ERBB4: variants seen among roughly 807,000 people sequenced by gnomAD.
ERBB4 encodes the protein receptor tyrosine-protein kinase erbB-4.
ERBB4 carries 42 observed loss-of-function variants against 158.0 expected under a neutral mutation model. The ratio of observed to expected loss-of-function variants is 0.27; its 90% CI spans 0.21 to 0.34. The LOEUF is 0.34. ERBB4 is among the 10% of genes least tolerant of loss of function. The pLI, the probability that ERBB4 is intolerant of heterozygous loss-of-function variation, is 1.00. For synonymous variants in ERBB4, 583 were observed against 558.7 expected (o/e 1.04, Z -0.61); for missense variants, 1,333 against 1,624.1 (o/e 0.82, Z 3.08).
At chr2:211,475,686 C>T (rs896293789) in intron 20 of ERBB4, among the ~76,000 whole-genome samples, 2 of 151,926 alleles carry the variant, frequency 1.3e-5, no homozygotes, top group African/African-American at 4.8e-5. Context: ...ATAATATTAC[C>T]CCTTGTCAAA....
At chr2:212,535,821 T>A (rs1693023510) in intron 1 of ERBB4, among the ~76,000 whole-genome samples, 1 of 152,162 alleles carries the variant, frequency 6.6e-6, no homozygotes, top group Non-Finnish European at 1.5e-5. Flanking sequence ...GGTTCTCTTC[T>A]GTTACAATTA....
chr2:212,124,941 C>T (rs1191574813), intron 1 of ERBB4, 38 bp from the exon 2 acceptor site: 3 of 1,609,910 alleles, frequency 1.9e-6, no homozygotes, highest in Admixed American at 3.3e-5. Flanking sequence ...ATTACATAAC[C>T]TTTATATGAT....
rs1214977580 is a variant in ERBB4, at chr2:211,817,425, GTTA to G, written c.422-29269_422-29267del. The stretch of plus-strand genomic sequence containing the variant: ...TCTTTGGTATAGTTGCAAAAATCTG[GTTA>G]TTACTCTACTCAATATCAAATAACA... On this transcript the variant is annotated intron_variant, in intron 3 of 27. Transcript: ENST00000342788. Among the ~76,000 whole-genome samples the G allele has an allele frequency of 3.9e-5, 6 of 152,172 alleles. No individual in the cohort carries two copies. In the East Asian group the frequency reaches 1.2e-3, roughly 29 times the overall value.
chr2:211,659,116 T>C (rs548365176), intron 15 of ERBB4, among the ~76,000 whole-genome samples: 7 of 152,250 alleles, frequency 4.6e-5, no homozygotes, highest in East Asian at 3.9e-4. Context: ...CTATCCATTA[T>C]ATATTTAAAT....
At chr2:211,740,403 T>C (rs972319990) in intron 5 of ERBB4, among the ~76,000 whole-genome samples, 7 of 152,064 alleles carry the variant, frequency 4.6e-5, no homozygotes, top group Non-Finnish European at 1.0e-4. Flanking sequence ...TGTTGAGTAA[T>C]ATATAAAATT....
At chr2:212,491,423 C>T (rs1431150451) in intron 1 of ERBB4, among the ~76,000 whole-genome samples, 1 of 151,526 alleles carries the variant, frequency 6.6e-6, no homozygotes, top group Non-Finnish European at 1.5e-5. Flanking sequence ...CTTACAAGTA[C>T]AGTAACATGT....
intron 4 of ERBB4, among the ~76,000 whole-genome samples, chr2:211,756,283 G>T (rs568233027): frequency 6.6e-6 from 1 of 152,184 alleles, no homozygotes; most frequent in Non-Finnish European, 1.5e-5. Context: ...CTGCAGTTTA[G>T]TTTTGCTTGA....
At chr2:211,495,361 G>C (rs1387744717) in intron 20 of ERBB4, among the ~76,000 whole-genome samples, 2 of 151,998 alleles carry the variant, frequency 1.3e-5, no homozygotes, top group Non-Finnish European at 2.9e-5. Flanking sequence ...TAATAAATGA[G>C]AACATAATAA....
chr2:211,784,897 TG>T (rs555883541), intron 4 of ERBB4, among the ~76,000 whole-genome samples: 18 of 152,292 alleles, frequency 1.2e-4, no homozygotes, highest in Non-Finnish European at 2.4e-4. Flanking sequence ...GTTGGCCCTT[TG>T]TGTACCATCT....
Position 211,543,981 on chromosome 2 carries a change from A to T in ERBB4, c.2487+17922T>A, listed in dbSNP as rs796852763. ...CATGGTAACAGGAGAATATGCATGG[A>T]GAGACTGCTGTCCTGTCCTGTAAAA... On this transcript the variant is annotated intron_variant, in intron 20 of 27. Coordinates refer to ENST00000342788, the MANE Select transcript of ERBB4 (RefSeq NM_005235.3). 5.3e-5 allele frequency among the ~76,000 whole-genome samples: 8 copies of T among 152,130 alleles called. 1 individual carries two copies. Among genetic ancestry groups the T allele is most frequent in the African/African-American group, 1.9e-4 (8 of 41,556 alleles).
At chr2:211,535,732 T>C (rs1334754301) in intron 20 of ERBB4, 1 of 152,774 alleles carries the variant, frequency 6.5e-6, no homozygotes, top group Non-Finnish European at 1.5e-5. Flanking sequence ...GGTTAGTACT[T>C]GGATGGGAGA....
chr2:212,265,350 T>C (rs2106100156), intron 1 of ERBB4, among the ~76,000 whole-genome samples: 1 of 152,236 alleles, frequency 6.6e-6, no homozygotes, highest in Non-Finnish European at 1.5e-5. Context: ...GAAGGTGAAT[T>C]ATTGTACATG....
At chr2:212,358,770 T>C (rs887677142) in intron 1 of ERBB4, among the ~76,000 whole-genome samples, 2 of 151,778 alleles carry the variant, frequency 1.3e-5, no homozygotes, top group African/African-American at 4.8e-5. Context: ...AAAAGAGGTA[T>C]AGAAATTCTC....
chr2:212,183,551 T>C (rs769886381), intron 1 of ERBB4, among the ~76,000 whole-genome samples: 29 of 152,056 alleles, frequency 1.9e-4, no homozygotes, highest in Non-Finnish European at 1.9e-4. Context: ...TCAAACAACA[T>C]TTATCTTGAA....
intron 2 of ERBB4, among the ~76,000 whole-genome samples, chr2:211,978,808 C>T (rs2081706734): frequency 6.6e-6 from 1 of 152,206 alleles, no homozygotes; most frequent in African/African-American, 2.4e-5. Flanking sequence ...TCTCTAACTA[C>T]ACCAAAGAGC....
chr2:212,473,906 TTA>T (rs1265855493), intron 1 of ERBB4, among the ~76,000 whole-genome samples: 1 of 152,130 alleles, frequency 6.6e-6, no homozygotes, highest in Non-Finnish European at 1.5e-5. Flanking sequence ...AATTTAACCA[TTA>T]TATGTTTTAA....
In ERBB4 at chr2:211,393,740, CGTGTGTGTGTGTGTGTGTGTGTGTGT is replaced by C. The variant is rs58472959; in HGVS notation, c.3136-5774_3136-5749del. On this transcript the variant is annotated intron_variant, in intron 25 of 27. Transcript: ENST00000342788. The stretch of plus-strand genomic sequence containing the variant: ...AACTTTGAGTATTAAGAGTTAATAG[CGTGTGTGTGTGTGTGTGTGTGTGTGT>C]GTGTGTGTGTGTGTGTGTATTTTTC... 3.6e-3 allele frequency among the ~76,000 whole-genome samples: 523 copies of C among 146,352 alleles called. 4 individuals carry two copies. The highest frequency in any genetic ancestry group is 0.012 in the African/African-American group (466 of 40,144).
chr2:212,367,188 T>A (rs530470135), intron 1 of ERBB4, among the ~76,000 whole-genome samples: 29 of 152,150 alleles, frequency 1.9e-4, no homozygotes, highest in Non-Finnish European at 3.8e-4. Flanking sequence ...ACAAAACCTA[T>A]CTTGCCAGCA....
At chr2:212,529,950 G>C (rs1283438705) in intron 1 of ERBB4, among the ~76,000 whole-genome samples, 1 of 152,176 alleles carries the variant, frequency 6.6e-6, no homozygotes, top group African/African-American at 2.4e-5. Context: ...ATATTGACTA[G>C]GTCAGTCTGG....
Sources: allele counts gnomAD v4.1 joint callset (sites outside exome capture counted in the v4.1 genomes callset), GRCh38; gene constraint gnomAD v4.1.1; transcripts MANE v1.5; gene names NCBI Gene and HGNC (gene_info 2026-07-23, HGNC 2026-07-21).